The following NRG1 variants were observed in gnomAD, a reference collection of about 807,000 sequenced individuals.
The protein encoded by NRG1 is neuregulin 1.
A neutral mutation model predicts 63.8 loss-of-function variants in NRG1; 18 were observed. That is an observed-to-expected ratio of 0.28 (90% CI 0.19 to 0.42). The LOEUF is 0.42. Among genes scored for constraint, NRG1 ranks in the 10% least tolerant of loss-of-function variants. The pLI is 1.00. For synonymous variants in NRG1, 302 were observed against 301.3 expected (o/e 1.00, Z -0.02); for missense variants, 762 against 814.7 (o/e 0.94, Z 0.79).
intron 1 of NRG1, among the ~76,000 whole-genome samples, chr8:31,661,834 T>C (rs1053399965): frequency 2.0e-5 from 3 of 152,218 alleles, no homozygotes; most frequent in African/African-American, 7.2e-5. Context: ...GTAAATGTGC[T>C]TTGAGCACTT....
intron 1 of NRG1, among the ~76,000 whole-genome samples, chr8:32,016,631 GA>G (rs967132473): frequency 2.6e-4 from 39 of 151,888 alleles, no homozygotes; most frequent in African/African-American, 8.9e-4. Context: ...GATGATAATA[GA>G]AAAAAAATTT....
At chr8:31,783,352 A>G (rs1158083364) in intron 1 of NRG1, among the ~76,000 whole-genome samples, 1 of 152,218 alleles carries the variant, frequency 6.6e-6, no homozygotes, top group Non-Finnish European at 1.5e-5. Context: ...ACTAACTTTT[A>G]AAGTTAACAT....
At chr8:32,178,553 T>C (rs1029195304) in intron 1 of NRG1, among the ~76,000 whole-genome samples, 1 of 152,176 alleles carries the variant, frequency 6.6e-6, no homozygotes, top group Non-Finnish European at 1.5e-5. Context: ...GAGGTTGCAG[T>C]GAGCCAAGAT....
chr8:31,768,057 ATCT>A (rs919842813), intron 1 of NRG1, among the ~76,000 whole-genome samples: 4 of 152,178 alleles, frequency 2.6e-5, no homozygotes, highest in African/African-American at 9.7e-5. Context: ...GGGCTGGAGT[ATCT>A]TCTTAGGATA....
chr8:32,756,223 G>T (rs1003901155), intron 8 of NRG1, among the ~76,000 whole-genome samples, 180 bp from the exon 9 acceptor site: 6 of 152,078 alleles, frequency 3.9e-5, no homozygotes, highest in African/African-American at 1.4e-4. Context: ...TTTAAAATCT[G>T]TTTGGTAAGG....
intron 1 of NRG1, among the ~76,000 whole-genome samples, chr8:32,324,176 C>T (rs1322700577): frequency 6.6e-6 from 1 of 152,106 alleles, no homozygotes; most frequent in Non-Finnish European, 1.5e-5. Flanking sequence ...TTTGCAAAGG[C>T]CAGGCATCTC....
chr8:32,461,995 T>C (rs964720955), intron 1 of NRG1, among the ~76,000 whole-genome samples: 6 of 152,156 alleles, frequency 3.9e-5, no homozygotes, highest in African/African-American at 1.4e-4. Context: ...CAAAACTCTG[T>C]TTGGCACCCT....
At chr8:31,916,996 A>G (rs1460568254) in intron 1 of NRG1, among the ~76,000 whole-genome samples, 1 of 151,936 alleles carries the variant, frequency 6.6e-6, no homozygotes, top group Non-Finnish European at 1.5e-5. Context: ...GGCTGCATAA[A>G]TGTCTTCTTT....
At chr8:32,160,956 A>T (rs1161883735) in intron 1 of NRG1, among the ~76,000 whole-genome samples, 1 of 152,166 alleles carries the variant, frequency 6.6e-6, no homozygotes, top group Non-Finnish European at 1.5e-5. Context: ...ACACTCTACT[A>T]AAATTATTGC....
intron 1 of NRG1, among the ~76,000 whole-genome samples, chr8:32,386,271 A>C (rs1015629781): frequency 6.6e-6 from 1 of 152,184 alleles, no homozygotes; most frequent in African/African-American, 2.4e-5. Flanking sequence ...CTGGCCCTGG[A>C]ATATGATTTT....
At chr8:32,577,371 G>A (rs545978847) in intron 1 of NRG1, among the ~76,000 whole-genome samples, 1 of 152,228 alleles carries the variant, frequency 6.6e-6, no homozygotes, top group South Asian at 2.1e-4. Context: ...ACAGTTATAG[G>A]TTTGGGAACC....
intron 1 of NRG1, among the ~76,000 whole-genome samples, chr8:32,261,539 CTT>C (rs1227589986): frequency 5.3e-5 from 8 of 152,088 alleles, no homozygotes; most frequent in Admixed American, 3.9e-4. Flanking sequence ...ATTAAGCCTT[CTT>C]TTTTGAGTTC....
At chr8:32,009,409 TGTTTTAG>T (rs1814365261) in intron 1 of NRG1, among the ~76,000 whole-genome samples, 1 of 152,094 alleles carries the variant, frequency 6.6e-6, no homozygotes, top group Admixed American at 6.6e-5. Context: ...TGTCAGATGC[TGTTTTAG>T]GTGCTAGGGG....
chr8:32,173,812 C>G (rs1033041026), intron 1 of NRG1, among the ~76,000 whole-genome samples: 2 of 152,084 alleles, frequency 1.3e-5, no homozygotes, highest in African/African-American at 4.8e-5. Context: ...ATATATGCAC[C>G]CAATACAGGA....
At chr8:32,157,358 CAA>C (rs11434397) in intron 1 of NRG1, among the ~76,000 whole-genome samples, 11 of 58,588 alleles carry the variant, frequency 1.9e-4, no homozygotes, top group African/African-American at 3.1e-4. Context: ...GACTCTGTCT[CAA>C]AAAAAAAAAA....
At chr8:31,663,250 A>G (rs1198795865) in intron 1 of NRG1, among the ~76,000 whole-genome samples, 1 of 152,220 alleles carries the variant, frequency 6.6e-6, no homozygotes, top group Admixed American at 6.5e-5. Context: ...TTGTATACCC[A>G]AGCACTGTTT....
chr8:32,539,809 A>G (rs1297620238), intron 1 of NRG1, among the ~76,000 whole-genome samples: 1 of 152,186 alleles, frequency 6.6e-6, no homozygotes, highest in Non-Finnish European at 1.5e-5. Flanking sequence ...AAGATTTAAG[A>G]AAAAGACACA....
intron 1 of NRG1, among the ~76,000 whole-genome samples, chr8:32,405,918 T>A (rs1283723221): frequency 6.6e-6 from 1 of 152,218 alleles, no homozygotes; most frequent in Non-Finnish European, 1.5e-5. Context: ...TAATTCTTTC[T>A]AATGGTATAA....
intron 1 of NRG1, among the ~76,000 whole-genome samples, chr8:32,046,904 A>G (rs546810608): frequency 3.1e-4 from 47 of 152,218 alleles, no homozygotes; most frequent in African/African-American, 1.0e-3. Flanking sequence ...TATGATTTAT[A>G]TGACTATAAA....
Sources: allele counts gnomAD v4.1 joint callset (sites outside exome capture counted in the v4.1 genomes callset), GRCh38; gene constraint gnomAD v4.1.1; transcripts MANE v1.5; gene names NCBI Gene and HGNC (gene_info 2026-07-23, HGNC 2026-07-21).